PXN: variants seen among roughly 807,000 people sequenced by gnomAD.
The protein encoded by PXN is paxillin, also known as testicular tissue protein Li 134.
PXN carries 61 observed loss-of-function variants against 103.6 expected under a neutral mutation model. The observed-to-expected ratio is 0.59, with a 90% CI of 0.48 to 0.73. The LOEUF (loss-of-function observed/expected upper bound fraction) is 0.73. PXN is among the 30% of genes least tolerant of loss of function. The probability of loss-of-function intolerance (pLI) is 0.00; values close to 1 mark genes in which losing one functional copy is unlikely to be tolerated. For synonymous variants in PXN, 562 were observed against 607.8 expected (o/e 0.92, Z 1.11); for missense variants, 1,274 against 1,460.3 (o/e 0.87, Z 2.08).
chr12:120,263,363 G>A (rs564925643), intron 1 of PXN, among the ~76,000 whole-genome samples: 12 of 152,296 alleles, frequency 7.9e-5, no homozygotes, highest in Non-Finnish European at 4.4e-5. Context: ...CAAGGAAGTC[G>A]GGCAGCCCGG....
Position 120,216,397 on chromosome 12 carries a change from T to C in PXN, c.2177A>G (p.Gln726Arg). 7.4e-7 allele frequency: 1 copy of C among 1,347,102 alleles called. No individual in the cohort carries two copies. Among genetic ancestry groups the C allele is most frequent in the Non-Finnish European group, 9.5e-7 (1 of 1,056,910 alleles). The allele number at this position is 1,347,102 out of a possible 1,614,324, so 83.4% of individuals were successfully genotyped here. The part of the protein sequence containing the change: ...SAYTCGSSGV[Q>R]SAGEEPHDEG... The stretch of plus-strand genomic sequence containing the variant: ...ATCATGGGGCTCTTCCCCTGCACTC[T>C]GGACCCCAGAAGAACCACAGGTATA... The change falls in exon 9 of 15, where the codon CAG becomes CGG. Residue 726 changes from glutamine (Q) to arginine (R), a missense_variant. By Grantham distance (43) the Gln-to-Arg change is conservative. This residue lies in a region of PXN where 1,178 missense variants were observed against 1,309.0 expected (regional missense o/e 0.90). Transcript: ENST00000637617. This position sits in a 1 kb window ranked among gnomAD's most constrained non-coding sequence, Gnocchi z 5.1.
At chr12:120,249,852 G>C in intron 1 of PXN, 1 of 985,478 alleles carries the variant, frequency 1.0e-6, no homozygotes, top group Middle Eastern at 5.2e-4. Flanking sequence ...GAAGAAATGA[G>C]ACCACCCAGC....
intron 1 of PXN, among the ~76,000 whole-genome samples, chr12:120,251,516 C>T (rs945634851): frequency 5.3e-5 from 8 of 150,716 alleles, no homozygotes; most frequent in African/African-American, 2.0e-4. Flanking sequence ...GACTCCATCT[C>T]AATAAATAAA....
At chr12:120,226,231 T>A (rs777817922) in intron 1 of PXN, 27 of 1,271,282 alleles carry the variant, frequency 2.1e-5, no homozygotes, top group Middle Eastern at 4.5e-4. Context: ...TTCTCCACCA[T>A]GGGCAGGGCC....
Position 120,216,573 on chromosome 12 carries a change from G to A in PXN, c.2001C>T (p.Phe667=). ...AGGQLVEKVV[F]PPGSPIPLRR... ...TCAGGGGAATGGGAGAGCCAGGAGG[G>A]AAGACAACCTGGGGAGAAGAAAGGA... is the stretch of plus-strand genomic sequence containing the variant. Residue 667 remains phenylalanine, a synonymous_variant, in exon 9 of 15, where the codon TTC becomes TTT. Coordinates refer to ENST00000637617, the MANE Select transcript of PXN (RefSeq NM_001385981.1). The surrounding 1 kb of genome is among the most constrained non-coding windows in gnomAD (Gnocchi z 5.1). 1 of 1,434,912 alleles carries A rather than the reference G, an allele frequency of 7.0e-7. No homozygotes were observed. Among genetic ancestry groups the A allele is most frequent in the Non-Finnish European group, 9.1e-7 (1 of 1,103,854 alleles). 88.9% of individuals were successfully genotyped at this position (1,434,912 alleles called of 1,614,324 possible).
intron 3 of PXN, among the ~76,000 whole-genome samples, chr12:120,223,385 G>A (rs1885822458): frequency 6.6e-6 from 1 of 151,856 alleles, no homozygotes; most frequent in South Asian, 2.1e-4. Context: ...AGTGAGCCGA[G>A]ATCGCGCGAC....
At chr12:120,234,722 C>T (rs140260493) in intron 1 of PXN, among the ~76,000 whole-genome samples, 26 of 152,302 alleles carry the variant, frequency 1.7e-4, no homozygotes, top group African/African-American at 6.3e-4. Context: ...CTTTAGTTTA[C>T]TCAGGCACCT....
intron 1 of PXN, among the ~76,000 whole-genome samples, chr12:120,244,868 A>T (rs1020986980): frequency 1.0e-4 from 15 of 150,322 alleles, no homozygotes; most frequent in African/African-American, 2.5e-4. Flanking sequence ...AATAAATAAT[A>T]AAAAAAAATC....
At chr12:120,239,062 C>T (rs943412080) in intron 1 of PXN, among the ~76,000 whole-genome samples, 1 of 152,194 alleles carries the variant, frequency 6.6e-6, no homozygotes, top group Non-Finnish European at 1.5e-5. Flanking sequence ...TATGTTCAGA[C>T]AGGAAATGGT....
chr12:120,220,053 C>T lies in PXN; in HGVS notation c.870G>A (p.Leu290=). 6 of 1,449,902 alleles carry T rather than the reference C, an allele frequency of 4.1e-6. No individual in the cohort carries two copies. The highest frequency in any genetic ancestry group is 5.6e-6 in the Non-Finnish European group (6 of 1,067,710). The allele number at this position is 1,449,902 out of a possible 1,614,324, so 89.8% of individuals were successfully genotyped here. The change falls in exon 7 of 15, where the codon CTG becomes CTA. Residue 290 remains leucine, a synonymous_variant. Coordinates refer to ENST00000637617, the MANE Select transcript of PXN (RefSeq NM_001385981.1). The surrounding 1 kb of genome is among the most constrained non-coding windows in gnomAD (Gnocchi z 6.1). The stretch of plus-strand genomic sequence containing the variant: ...AGTATGAGGACGGAGCAGAGCTGGA[C>T]AGCCCCGGGGCACTCAGAGCCACAG... ...SSTVALSAPG[L]SSSAPSSYCS...
rs1231437293 is a variant in PXN, at chr12:120,214,100, A to G, written c.2830+36T>C. The G allele has an allele frequency of 1.3e-6, 2 of 1,556,498 alleles. No individual in the cohort carries two copies. The highest frequency in any genetic ancestry group is 1.7e-6 in the Non-Finnish European group (2 of 1,150,228). On this transcript the variant is annotated intron_variant, in intron 13 of 14. Coordinates refer to ENST00000637617, the MANE Select transcript of PXN (RefSeq NM_001385981.1). This position sits in a 1 kb window ranked among gnomAD's most constrained non-coding sequence, Gnocchi z 5.0. ...CACCCCCACCTCCCCGGCCCTCCTAAGAGGCGGTGGGTCAGTCCGCCGGTC... is the reference window on the plus strand; with the variant it reads ...CACCCCCACCTCCCCGGCCCTCCTAGGAGGCGGTGGGTCAGTCCGCCGGTC...
intron 1 of PXN, among the ~76,000 whole-genome samples, chr12:120,248,492 T>TCTCACA (rs1299076758): frequency 1.4e-3 from 176 of 127,944 alleles, no homozygotes; most frequent in African/African-American, 4.5e-3. Context: ...CAGATGACTT[T>TCTCACA]CACACACACA....
rs781008546 is a variant in PXN, at chr12:120,219,205, GCCTGGCCAGAGGTGGAAAT to G, written c.1699_1716+1del. 2 of 1,564,406 alleles carry G rather than the reference GCCTGGCCAGAGGTGGAAAT, an allele frequency of 1.3e-6. No individual in the cohort carries two copies. The highest frequency in any genetic ancestry group is 1.1e-5 in the South Asian group (1 of 88,032). On this transcript the variant is annotated splice_donor_variant and coding_sequence_variant, in exon 7 of 15. Coordinates refer to ENST00000637617, the MANE Select transcript of PXN (RefSeq NM_001385981.1). LOFTEE classifies it high-confidence loss of function. The surrounding 1 kb of genome is among the most constrained non-coding windows in gnomAD (Gnocchi z 6.5). ...CCAGCAGCCATGCGAGCTGGTGCCT[GCCTGGCCAGAGGTGGAAAT>G]CCTCTCCGTGGTGCTGGGTGTGCCC...
chr12:120,256,931 GTCTCGAAC>G (rs1371171915), intron 1 of PXN, among the ~76,000 whole-genome samples: 1 of 152,082 alleles, frequency 6.6e-6, no homozygotes, highest in African/African-American at 2.4e-5. Context: ...GGTCAAGCTG[GTCTCGAAC>G]TCCCAACTTC....
intron 1 of PXN, among the ~76,000 whole-genome samples, chr12:120,255,074 C>T (rs1017721993): frequency 9.9e-5 from 15 of 151,992 alleles, no homozygotes; most frequent in African/African-American, 7.3e-5. Context: ...GTGCGCAGAC[C>T]GGAAGAATCT....
At position 120,217,533 on chromosome 12, in the gene PXN, TC is replaced by T. The variant is rs1883575377; in HGVS notation, c.1717-418del. ...GCCCTTGACAAGGCATACGGCTTTT[TC>T]TTTTTTCTTTTTTTTAATTTATAAT... On this transcript the variant is annotated intron_variant, in intron 7 of 14. Coordinates refer to ENST00000637617, the MANE Select transcript of PXN (RefSeq NM_001385981.1). The surrounding 1 kb of genome is among the most constrained non-coding windows in gnomAD (Gnocchi z 4.1). Among the ~76,000 whole-genome samples the T allele has an allele frequency of 6.6e-6, 1 of 152,046 alleles. No individual in the cohort carries two copies.
chr12:120,241,976 A>AAGGAGTG lies in PXN; in HGVS notation c.14-17606_14-17600dup, dbSNP rs564593520. On this transcript the variant is annotated intron_variant, in intron 1 of 14. Coordinates refer to ENST00000637617, the MANE Select transcript of PXN (RefSeq NM_001385981.1). ...ACCTGGAAACTGAGTGGATATGGAGAAGGAGTGAGGAGTGCAGGATGCCTC... is the reference window on the plus strand; with the variant it reads ...ACCTGGAAACTGAGTGGATATGGAGAAGGAGTGAGGAGTGAGGAGTGCAGGATGCCTC... 3.9e-3 allele frequency among the ~76,000 whole-genome samples: 588 copies of AAGGAGTG among 152,190 alleles called. 1 individual carries two copies. The highest frequency in any genetic ancestry group is 0.017 in the Middle Eastern group (5 of 294).
chr12:120,262,558 C>T (rs978968780), intron 1 of PXN, among the ~76,000 whole-genome samples: 7 of 152,064 alleles, frequency 4.6e-5, no homozygotes, highest in African/African-American at 1.7e-4. Flanking sequence ...TAAAGTGGAG[C>T]GAAAACACCT....
chr12:120,215,912 TC>T lies in PXN; in HGVS notation c.2302-252del, dbSNP rs1458254277. ...AAATGGCAAGGGGAGGTGGCCGGGC[TC>T]AGTGATGAGGCCTCACCGGGCGCTG... On this transcript the variant is annotated intron_variant, in intron 9 of 14. Transcript: ENST00000637617. The surrounding 1 kb of genome is among the most constrained non-coding windows in gnomAD (Gnocchi z 4.9). The T allele has an allele frequency of 2.9e-6, 4 of 1,394,176 alleles. No individual in the cohort carries two copies. Among genetic ancestry groups the T allele is most frequent in the Non-Finnish European group, 1.9e-6 (2 of 1,074,146 alleles). The allele number at this position is 1,394,176 out of a possible 1,614,324, so 86.4% of individuals were successfully genotyped here.
Sources: gnomAD v4.1 joint callset for allele counts (sites outside exome capture counted in the v4.1 genomes callset) on GRCh38, gnomAD v4.1.1 for gene constraint, gnomAD v4.1.1 regional missense constraint, Gnocchi (gnomAD v3.1) non-coding constraint, MANE v1.5 for transcripts, NCBI Gene and HGNC (gene_info 2026-07-23, HGNC 2026-07-21) for gene names.